MLLT3: variants seen among roughly 807,000 people sequenced by gnomAD.
MLLT3 encodes protein AF-9.
Under a neutral mutation model 53.2 loss-of-function variants are expected in MLLT3, and 4 were observed. The ratio of observed to expected loss-of-function variants is 0.08; its 90% CI spans 0.04 to 0.17. The LOEUF is 0.17. Ranked by LOEUF, MLLT3 falls within the 10% of genes least tolerant of loss-of-function variation. The pLI, the probability that MLLT3 is intolerant of heterozygous loss-of-function variation, is 1.00. For missense variants in MLLT3, 569 were observed against 684.0 expected (o/e 0.83, Z 1.87); for synonymous variants, 283 against 230.6 (o/e 1.23, Z -2.06).
intron 2 of MLLT3, among the ~76,000 whole-genome samples, chr9:20,489,208 G>A (rs1260219575): frequency 6.6e-6 from 1 of 152,192 alleles, no homozygotes; most frequent in Non-Finnish European, 1.5e-5. Flanking sequence ...CAATGGAATA[G>A]AAAGAATATT....
chr9:20,566,835 G>A (rs1371527435), intron 2 of MLLT3, among the ~76,000 whole-genome samples: 1 of 152,106 alleles, frequency 6.6e-6, no homozygotes, highest in Non-Finnish European at 1.5e-5. Context: ...AGGGCTCCAG[G>A]TGGTACACCA....
intron 2 of MLLT3, among the ~76,000 whole-genome samples, chr9:20,475,985 T>A (rs1180944139): frequency 6.6e-6 from 1 of 152,130 alleles, no homozygotes; most frequent in African/African-American, 2.4e-5. Context: ...ACCTAAAAGT[T>A]TTCCCAGTTA....
rs1021028822 is a variant in MLLT3 at position 20,606,757 on chromosome 9, C to G, written c.193+13897G>C. Among the ~76,000 whole-genome samples the G allele has an allele frequency of 4.6e-5, 7 of 152,018 alleles. No individual in the cohort carries two copies. In the South Asian group the frequency reaches 1.0e-3, roughly 22 times the overall value. On this transcript the variant is annotated intron_variant, in intron 2 of 10. Coordinates refer to ENST00000380338, the MANE Select transcript of MLLT3 (RefSeq NM_004529.4). ...GCTTTTCTTTTCTAGGGTACTGCAC[C>G]CTGTCTCTTTAAATTCCAGGCCTGC...
chr9:20,551,852 C>T (rs1251906594), intron 2 of MLLT3, among the ~76,000 whole-genome samples: 12 of 152,132 alleles, frequency 7.9e-5, no homozygotes, highest in Admixed American at 5.2e-4. Context: ...ATATTACCTA[C>T]GATTTATGCA....
intron 2 of MLLT3, among the ~76,000 whole-genome samples, chr9:20,585,658 G>A (rs1269888807): frequency 6.6e-6 from 1 of 152,124 alleles, no homozygotes; most frequent in Non-Finnish European, 1.5e-5. Context: ...CTCTAATGAC[G>A]TGATATTGAG....
chr9:20,622,468 G>C lies in MLLT3; in HGVS notation c.-212C>G. ...AGCCCCAAAAGCAAAAGCAGCAGCA[G>C]CAGCAGCAGCTCCAGGGTAAAGAAG... is the stretch of plus-strand genomic sequence containing the variant. On this transcript the variant is annotated 5_prime_UTR_variant, in exon 1 of 11. Coordinates refer to ENST00000380338, the MANE Select transcript of MLLT3 (RefSeq NM_004529.4). 3.7e-6 allele frequency: 2 copies of C among 540,128 alleles called. No individual in the cohort carries two copies. Among genetic ancestry groups the C allele is most frequent in the Middle Eastern group, 4.5e-4 (1 of 2,230 alleles). 33.5% of individuals were successfully genotyped at this position (540,128 alleles called of 1,614,324 possible). A position where few individuals can be genotyped will look rare whatever the true frequency, so the allele number is the denominator to read the frequency against.
At chr9:20,556,501 G>A (rs142456406) in intron 2 of MLLT3, among the ~76,000 whole-genome samples, 3 of 152,006 alleles carry the variant, frequency 2.0e-5, no homozygotes, top group Non-Finnish European at 4.4e-5. Flanking sequence ...TGGCCAACAA[G>A]GTGAAACCCC....
intron 2 of MLLT3, among the ~76,000 whole-genome samples, chr9:20,508,229 T>A (rs914246529): frequency 6.6e-6 from 1 of 152,148 alleles, no homozygotes; most frequent in African/African-American, 2.4e-5. Context: ...TTGAAACAAG[T>A]AAGGATGACA....
chr9:20,463,890 A>G (rs944262626), intron 2 of MLLT3, among the ~76,000 whole-genome samples: 2 of 152,148 alleles, frequency 1.3e-5, no homozygotes, highest in African/African-American at 4.8e-5. Flanking sequence ...TCTTCTAGGA[A>G]AGTAACTAAG....
At chr9:20,346,885 A>C (rs1381483918) in intron 10 of MLLT3, among the ~76,000 whole-genome samples, 1 of 151,956 alleles carries the variant, frequency 6.6e-6, no homozygotes, top group Non-Finnish European at 1.5e-5. Context: ...GCATTTCAAG[A>C]CTCCTTTAAA....
At chr9:20,440,187 T>C (rs907600502) in intron 4 of MLLT3, among the ~76,000 whole-genome samples, 3 of 152,164 alleles carry the variant, frequency 2.0e-5, no homozygotes, top group Non-Finnish European at 2.9e-5. Flanking sequence ...TATACAAACC[T>C]AAGCCCAAGG....
chr9:20,410,279 C>A (rs1368949176), intron 5 of MLLT3, among the ~76,000 whole-genome samples: 2 of 152,062 alleles, frequency 1.3e-5, no homozygotes, highest in South Asian at 2.1e-4. Flanking sequence ...AAATCTCTTT[C>A]AAAGCTACAG....
intron 2 of MLLT3, among the ~76,000 whole-genome samples, chr9:20,457,810 G>A (rs1292394060): frequency 2.0e-5 from 3 of 152,094 alleles, no homozygotes; most frequent in Admixed American, 2.0e-4. Context: ...AAGCCAAACA[G>A]GATTTCATTC....
At chr9:20,516,419 C>A (rs1587014505) in intron 2 of MLLT3, among the ~76,000 whole-genome samples, 2 of 152,202 alleles carry the variant, frequency 1.3e-5, no homozygotes, top group Non-Finnish European at 2.9e-5. Context: ...AGTCTTACTA[C>A]TCTCATTTCT....
At chr9:20,470,429 A>G (rs1420122935) in intron 2 of MLLT3, among the ~76,000 whole-genome samples, 3 of 151,932 alleles carry the variant, frequency 2.0e-5, no homozygotes, top group Non-Finnish European at 4.4e-5. Context: ...CCCACTATCT[A>G]ATTTAATTTT....
chr9:20,498,572 C>G (rs931141798), intron 2 of MLLT3, among the ~76,000 whole-genome samples: 1 of 152,208 alleles, frequency 6.6e-6, no homozygotes, highest in African/African-American at 2.4e-5. Flanking sequence ...CCCAAGATGG[C>G]TTTCAATGCG....
chr9:20,439,730 T>C (rs1672805771), intron 4 of MLLT3, among the ~76,000 whole-genome samples: 1 of 152,210 alleles, frequency 6.6e-6, no homozygotes, highest in Admixed American at 6.6e-5. Context: ...CTATGCGTTA[T>C]GTTTAATATA....
At chr9:20,450,076 T>C (rs1823801622) in intron 3 of MLLT3, among the ~76,000 whole-genome samples, 1 of 152,238 alleles carries the variant, frequency 6.6e-6, no homozygotes, top group African/African-American at 2.4e-5. Context: ...CCTTCATATG[T>C]GTCTTTTGTC....
chr9:20,456,224 C>T (rs1396499441), intron 3 of MLLT3, among the ~76,000 whole-genome samples: 1 of 152,054 alleles, frequency 6.6e-6, no homozygotes, highest in East Asian at 1.9e-4. Flanking sequence ...CAGGTGTGAG[C>T]CACCGCGCCA....
Sources: gnomAD v4.1 joint callset for allele counts (sites outside exome capture counted in the v4.1 genomes callset) on GRCh38, gnomAD v4.1.1 for gene constraint, MANE v1.5 for transcripts, NCBI Gene and HGNC (gene_info 2026-07-23, HGNC 2026-07-21) for gene names.